The following PSD3 variants were observed in gnomAD, a reference collection of about 807,000 sequenced individuals.
PSD3 encodes the protein PH and SEC7 domain-containing protein 3.
A neutral mutation model predicts 105.5 loss-of-function variants in PSD3; 49 were observed. That is an observed-to-expected ratio of 0.46 (90% CI 0.37 to 0.59). The LOEUF (loss-of-function observed/expected upper bound fraction) is 0.59. Among genes scored for constraint, PSD3 ranks in the 20% least tolerant of loss-of-function variants. The probability of loss-of-function intolerance (pLI) is 0.00; values close to 1 mark genes in which losing one functional copy is unlikely to be tolerated. For missense variants in PSD3, 1,561 were observed against 1,263.8 expected (o/e 1.24, Z -3.57); for synonymous variants, 557 against 457.8 (o/e 1.22, Z -2.77).
chr8:19,034,302 A>G (rs2129476403), intron 1 of PSD3, among the ~76,000 whole-genome samples: 1 of 152,312 alleles, frequency 6.6e-6, no homozygotes, highest in Admixed American at 6.5e-5. Context: ...CAATATAGAA[A>G]AGGTTAAAGG....
At chr8:18,853,385 T>A (rs1009176893) in intron 4 of PSD3, among the ~76,000 whole-genome samples, 1 of 152,216 alleles carries the variant, frequency 6.6e-6, no homozygotes, top group African/African-American at 2.4e-5. Context: ...TATTCTTCAA[T>A]CCCAGGCATC....
chr8:19,035,759 G>GC (rs967311142), intron 1 of PSD3, among the ~76,000 whole-genome samples: 6 of 151,432 alleles, frequency 4.0e-5, no homozygotes, highest in Admixed American at 3.3e-4. Flanking sequence ...ACTTTTTTTG[G>GC]GGGGGGTGTG....
intron 1 of PSD3, among the ~76,000 whole-genome samples, chr8:19,046,312 A>G (rs1012983403): frequency 1.3e-5 from 2 of 152,088 alleles, no homozygotes; most frequent in Non-Finnish European, 2.9e-5. Context: ...GGGTTTCACC[A>G]TATTGGCCAG....
chr8:18,838,774 C>A (rs1350701177), intron 4 of PSD3, among the ~76,000 whole-genome samples: 1 of 149,984 alleles, frequency 6.7e-6, no homozygotes, highest in Non-Finnish European at 1.5e-5. Flanking sequence ...TGCACTCCAG[C>A]CTGGGTGACA....
At chr8:18,966,570 A>G (rs1160852010) in intron 1 of PSD3, among the ~76,000 whole-genome samples, 10 of 15,556 alleles carry the variant, frequency 6.4e-4, no homozygotes, top group African/African-American at 1.5e-3. Flanking sequence ...GACTGTCTTA[A>G]AAAAAAAAAA....
intron 9 of PSD3, among the ~76,000 whole-genome samples, chr8:18,710,657 C>T (rs556075485): frequency 2.6e-4 from 39 of 152,090 alleles, no homozygotes; most frequent in Admixed American, 1.8e-3. Context: ...AGAAACCTTA[C>T]GAGCCAGAAG....
rs572536332 is a variant in PSD3 at position 18,546,349 on chromosome 8, G to A, written c.2928+9860C>T. Among the ~76,000 whole-genome samples the A allele has an allele frequency of 1.2e-4, 19 of 152,154 alleles. No homozygotes were observed. The South Asian group carries it at 3.9e-3, about 32-fold the overall frequency. ...TCCAGTTTAAGTGATCCTTTAAATG[G>A]GAAGTATCATAAGTAGTCATCTTAC... On this transcript the variant is annotated intron_variant, in intron 15 of 15. Transcript: ENST00000327040.
chr8:18,767,130 C>T (rs571066474), intron 8 of PSD3, among the ~76,000 whole-genome samples: 14 of 152,266 alleles, frequency 9.2e-5, no homozygotes, highest in Middle Eastern at 3.4e-3. Context: ...TCTCCCAGCA[C>T]GTCTCCAAGC....
At chr8:18,783,045 T>C (rs1020816817) in intron 8 of PSD3, among the ~76,000 whole-genome samples, 1 of 152,224 alleles carries the variant, frequency 6.6e-6, no homozygotes, top group Non-Finnish European at 1.5e-5. Flanking sequence ...TTACTCTTTT[T>C]TTCTGAAGGG....
At chr8:19,043,921 A>C (rs1828222081) in intron 1 of PSD3, among the ~76,000 whole-genome samples, 2 of 152,124 alleles carry the variant, frequency 1.3e-5, no homozygotes, top group African/African-American at 4.8e-5. Context: ...GCTTTCTGAT[A>C]TTTTCTGCAG....
intron 8 of PSD3, among the ~76,000 whole-genome samples, chr8:18,778,659 G>T (rs1808320068): frequency 1.3e-5 from 2 of 151,646 alleles, no homozygotes; most frequent in Admixed American, 1.3e-4. Flanking sequence ...ATTATGAAGG[G>T]ATGTTGAATT....
At chr8:19,067,673 CTGT>C (rs1373850220) in intron 1 of PSD3, among the ~76,000 whole-genome samples, 1 of 152,102 alleles carries the variant, frequency 6.6e-6, no homozygotes, top group Non-Finnish European at 1.5e-5. Flanking sequence ...AGGATGGAAG[CTGT>C]TGTCTTATGA....
intron 2 of PSD3, among the ~76,000 whole-genome samples, chr8:18,879,257 T>A (rs1817955087): frequency 6.6e-6 from 1 of 152,092 alleles, no homozygotes; most frequent in South Asian, 2.1e-4. Context: ...ATGTCTGATA[T>A]AACAACTTGG....
At chr8:18,600,658 A>G (rs1036675775) in intron 11 of PSD3, among the ~76,000 whole-genome samples, 4 of 152,146 alleles carry the variant, frequency 2.6e-5, no homozygotes, top group Admixed American at 2.0e-4. Context: ...GGTTGGTGCT[A>G]TTTCTCTCTT....
intron 15 of PSD3, among the ~76,000 whole-genome samples, chr8:18,549,306 C>A (rs540515997): frequency 6.6e-6 from 1 of 151,838 alleles, no homozygotes; most frequent in Non-Finnish European, 1.5e-5. Context: ...CTCAGCCTCC[C>A]AAGTAGCTGG....
intron 4 of PSD3, among the ~76,000 whole-genome samples, chr8:18,824,631 T>C (rs890339548): frequency 4.6e-5 from 7 of 152,308 alleles, no homozygotes; most frequent in Admixed American, 2.0e-4. Context: ...CCAGAATAAA[T>C]TCAGGGGCCA....
intron 8 of PSD3, among the ~76,000 whole-genome samples, chr8:18,798,620 T>C (rs1388679155): frequency 6.6e-6 from 1 of 152,136 alleles, no homozygotes; most frequent in African/African-American, 2.4e-5. Context: ...GATTTTCTCT[T>C]CAAAATACAA....
At chr8:18,777,733 C>T (rs927230941) in intron 8 of PSD3, among the ~76,000 whole-genome samples, 8 of 152,240 alleles carry the variant, frequency 5.3e-5, no homozygotes, top group South Asian at 2.1e-4. Context: ...ATTCATCCTC[C>T]GGTGCTATGA....
At chr8:18,623,478 GAA>G (rs564571264) in intron 11 of PSD3, among the ~76,000 whole-genome samples, 1 of 134,448 alleles carries the variant, frequency 7.4e-6, no homozygotes, top group Admixed American at 7.6e-5. Flanking sequence ...AAAGAAAAAG[GAA>G]AAAAAAAAAA....
Sources: gnomAD v4.1 joint callset for allele counts (sites outside exome capture counted in the v4.1 genomes callset) on GRCh38, gnomAD v4.1.1 for gene constraint, MANE v1.5 for transcripts, NCBI Gene and HGNC (gene_info 2026-07-23, HGNC 2026-07-21) for gene names.